ASAP1: variants seen among roughly 807,000 people sequenced by gnomAD.
The protein encoded by ASAP1 is ArfGAP with SH3 domain, ankyrin repeat and PH domain 1, also known as arf-GAP with SH3 domain, ANK repeat and PH domain-containing protein 1.
ASAP1 carries 43 observed loss-of-function variants against 145.2 expected under a neutral mutation model. That is an observed-to-expected ratio of 0.30 (90% CI 0.23 to 0.38). The LOEUF (loss-of-function observed/expected upper bound fraction) is 0.38, where lower values mean the gene tolerates loss of function less well. Among genes scored for constraint, ASAP1 ranks in the 10% least tolerant of loss-of-function variants. ASAP1 has a pLI of 1.00. For missense variants in ASAP1, 1,018 were observed against 1,355.3 expected (o/e 0.75, Z 3.91); for synonymous variants, 546 against 515.5 (o/e 1.06, Z -0.80).
At chr8:130,392,517 C>T (rs1467435179) in intron 2 of ASAP1, among the ~76,000 whole-genome samples, 5 of 152,224 alleles carry the variant, frequency 3.3e-5, no homozygotes. Context: ...TTTAGAGGTA[C>T]TATCCCATTT....
intron 2 of ASAP1, among the ~76,000 whole-genome samples, chr8:130,362,976 G>A (rs1168384126): frequency 6.6e-6 from 1 of 152,154 alleles, no homozygotes; most frequent in Non-Finnish European, 1.5e-5. Flanking sequence ...TGAATTATGG[G>A]CTGATTCTCA....
At position 130,054,555 on chromosome 8, in the gene ASAP1, G is replaced by T. The variant is rs1592699768; in HGVS notation, c.*176C>A. The T allele has an allele frequency of 5.2e-6, 3 of 572,294 alleles. No individual in the cohort carries two copies. In the East Asian group the frequency reaches 9.7e-5, roughly 18 times the overall value. The allele number at this position is 572,294 out of a possible 1,614,324, so 35.5% of individuals were successfully genotyped here. On this transcript the variant is annotated 3_prime_UTR_variant, in exon 30 of 30. Coordinates refer to ENST00000518721, the MANE Select transcript of ASAP1 (RefSeq NM_018482.4). ...CCGGGTCCGAGGCTACCCTCATACT[G>T]GTGAAGGCAGAAAACCACAGGATAT...
At chr8:130,123,375 A>G (rs1359017173) in intron 18 of ASAP1, among the ~76,000 whole-genome samples, 1 of 152,132 alleles carries the variant, frequency 6.6e-6, no homozygotes, top group Non-Finnish European at 1.5e-5. Context: ...GCTAAAAGGA[A>G]TCTCCCATTG....
At chr8:130,438,596 C>T (rs1307815030) in intron 1 of ASAP1, among the ~76,000 whole-genome samples, 2 of 152,086 alleles carry the variant, frequency 1.3e-5, no homozygotes, top group African/African-American at 2.4e-5. Flanking sequence ...GGGTACGAGG[C>T]GGGGAGCTGG....
intron 5 of ASAP1, among the ~76,000 whole-genome samples, chr8:130,194,070 C>T (rs1286904238): frequency 6.6e-6 from 1 of 152,100 alleles, no homozygotes; most frequent in African/African-American, 2.4e-5. Context: ...AGAATTTCTC[C>T]GTGGTTATCT....
intron 9 of ASAP1, among the ~76,000 whole-genome samples, chr8:130,169,625 A>G (rs1315453600): frequency 1.3e-5 from 2 of 152,262 alleles, no homozygotes; most frequent in Non-Finnish European, 2.9e-5. Context: ...GCTTTATCCT[A>G]CAACACATGG....
chr8:130,262,113 C>T (rs1586707331), intron 3 of ASAP1, among the ~76,000 whole-genome samples: 2 of 151,658 alleles, frequency 1.3e-5, no homozygotes, highest in South Asian at 2.1e-4. Flanking sequence ...AAAGGGAGTA[C>T]CGGCTGGGCG....
At chr8:130,208,244 C>T (rs1042650135) in intron 5 of ASAP1, among the ~76,000 whole-genome samples, 1 of 152,140 alleles carries the variant, frequency 6.6e-6, no homozygotes, top group African/African-American at 2.4e-5. Flanking sequence ...GACAACTAGG[C>T]CACAGACTTT....
intron 16 of ASAP1, among the ~76,000 whole-genome samples, chr8:130,127,256 G>A (rs948817513): frequency 4.6e-5 from 7 of 151,982 alleles, no homozygotes; most frequent in Non-Finnish European, 8.8e-5. Flanking sequence ...TCGCTCTGTC[G>A]CCCAGGCTAG....
At chr8:130,059,155 C>T (rs1481380917) in intron 28 of ASAP1, among the ~76,000 whole-genome samples, 1 of 151,760 alleles carries the variant, frequency 6.6e-6, no homozygotes, top group Non-Finnish European at 1.5e-5. Flanking sequence ...CACACTTTTA[C>T]TGCAACATTT....
intron 24 of ASAP1, among the ~76,000 whole-genome samples, chr8:130,092,987 A>C (rs896974985): frequency 4.6e-5 from 7 of 152,096 alleles, no homozygotes; most frequent in African/African-American, 1.7e-4. Flanking sequence ...TGAAGAAAGA[A>C]CTGGACGTAA....
At chr8:130,324,514 G>A (rs770092757) in intron 3 of ASAP1, among the ~76,000 whole-genome samples, 1 of 152,152 alleles carries the variant, frequency 6.6e-6, no homozygotes, top group East Asian at 1.9e-4. Flanking sequence ...GCACAGTGAG[G>A]CAAACTGACT....
chr8:130,364,010 T>C (rs1826834069), intron 2 of ASAP1, among the ~76,000 whole-genome samples: 1 of 152,150 alleles, frequency 6.6e-6, no homozygotes, highest in Non-Finnish European at 1.5e-5. Flanking sequence ...TTTTTCATGT[T>C]CTTTGTATGA....
intron 24 of ASAP1, among the ~76,000 whole-genome samples, chr8:130,097,523 C>G (rs1374952850): frequency 1.3e-5 from 2 of 152,206 alleles, no homozygotes; most frequent in Non-Finnish European, 2.9e-5. Flanking sequence ...CTGAACCTAC[C>G]TGATGTGCTG....
intron 5 of ASAP1, among the ~76,000 whole-genome samples, chr8:130,196,988 G>A (rs981220442): frequency 2.0e-4 from 30 of 152,228 alleles, no homozygotes; most frequent in Non-Finnish European, 7.3e-5. Context: ...TGCTTTCCAA[G>A]GTACTGTGAT....
At chr8:130,163,473 C>A (rs1039483292) in intron 11 of ASAP1, among the ~76,000 whole-genome samples, 1 of 152,138 alleles carries the variant, frequency 6.6e-6, no homozygotes, top group Admixed American at 6.5e-5. Context: ...CAGGGTTTGA[C>A]CTCATTAAAC....
chr8:130,106,693 C>G (rs1320291727), intron 24 of ASAP1, among the ~76,000 whole-genome samples: 1 of 152,262 alleles, frequency 6.6e-6, no homozygotes, highest in Non-Finnish European at 1.5e-5. Context: ...GCATCCTACT[C>G]TCTGTGCCAG....
At chr8:130,238,425 C>T (rs546180951) in intron 3 of ASAP1, among the ~76,000 whole-genome samples, 2 of 152,192 alleles carry the variant, frequency 1.3e-5, no homozygotes, top group South Asian at 2.1e-4. Context: ...GTTCCCAAGG[C>T]ATATGTCACT....
chr8:130,238,060 T>C (rs1178864703), intron 3 of ASAP1, among the ~76,000 whole-genome samples: 3 of 152,102 alleles, frequency 2.0e-5, no homozygotes, highest in Non-Finnish European at 4.4e-5. Context: ...GGCTAAGTAC[T>C]TCCCTGAAGA....
Sources: allele counts gnomAD v4.1 joint callset (sites outside exome capture counted in the v4.1 genomes callset), GRCh38; gene constraint gnomAD v4.1.1; transcripts MANE v1.5; gene names NCBI Gene and HGNC (gene_info 2026-07-23, HGNC 2026-07-21).